The following KIF2A variants were observed in gnomAD, a reference collection of about 807,000 sequenced individuals.
The protein encoded by KIF2A is kinesin family member 2A.
Under a neutral mutation model 100.2 loss-of-function variants are expected in KIF2A, and 22 were observed. The observed-to-expected ratio is 0.22, with a 90% CI of 0.16 to 0.31. The LOEUF is 0.31. Ranked by LOEUF, KIF2A falls within the 10% of genes least tolerant of loss-of-function variation. The pLI is 1.00. For missense variants in KIF2A, 495 were observed against 898.7 expected (o/e 0.55, Z 5.74); for synonymous variants, 268 against 285.9 (o/e 0.94, Z 0.63).
At chr5:62,353,048 A>G in intron 5 of KIF2A, 1 of 436,470 alleles carries the variant, frequency 2.3e-6, no homozygotes, top group East Asian at 4.0e-5. Context: ...CCAAGAGATG[A>G]CATGTATCAA....
intron 1 of KIF2A, among the ~76,000 whole-genome samples, chr5:62,334,502 C>G (rs925146577): frequency 3.7e-5 from 5 of 135,748 alleles, no homozygotes; most frequent in African/African-American, 1.1e-4. Context: ...CCCCCCACTT[C>G]TCCTCCTCCT....
Position 62,361,233 on chromosome 5 carries a change from A to G in KIF2A, c.873-9A>G, listed in dbSNP as rs1748389798. The stretch of plus-strand genomic sequence containing the variant: ...TGACACATTCTGACTGATGCATTTT[A>G]TTTTTAAGGTTTACTGCTAGACCAC... On this transcript the variant is annotated splice_polypyrimidine_tract_variant and intron_variant, in intron 9 of 20. Coordinates refer to ENST00000407818, the MANE Select transcript of KIF2A (RefSeq NM_001098511.3). 1 of 1,539,868 alleles carries G rather than the reference A, an allele frequency of 6.5e-7. No individual in the cohort carries two copies. Among genetic ancestry groups the G allele is most frequent in the Non-Finnish European group, 8.9e-7 (1 of 1,122,884 alleles).
intron 1 of KIF2A, among the ~76,000 whole-genome samples, chr5:62,313,599 C>T (rs887475491): frequency 6.6e-6 from 1 of 152,058 alleles, no homozygotes; most frequent in Non-Finnish European, 1.5e-5. Flanking sequence ...GTGGTCCACC[C>T]ACCTCAGCCT....
At chr5:62,355,561 G>GAGTT (rs1277721789) in intron 7 of KIF2A, among the ~76,000 whole-genome samples, 6 of 152,174 alleles carry the variant, frequency 3.9e-5, no homozygotes, top group African/African-American at 1.4e-4. Flanking sequence ...TTCTGACTGT[G>GAGTT]AGTTATACTT....
chr5:62,347,924 G>A lies in KIF2A; in HGVS notation c.160-124G>A, dbSNP rs564270069. On this transcript the variant is annotated intron_variant, in intron 2 of 20. Coordinates refer to ENST00000407818, the MANE Select transcript of KIF2A (RefSeq NM_001098511.3). ...CAGGCATGAGCCACTGCACCCAGCC[G>A]AGTTACTGTATTCATTAGGCTAAAG... 1.7e-5 allele frequency: 17 copies of A among 1,013,202 alleles called. 1 individual carries two copies. The highest frequency in any genetic ancestry group is 1.2e-4 in the South Asian group (7 of 56,490). 62.8% of individuals were successfully genotyped at this position (1,013,202 alleles called of 1,614,324 possible).
chr5:62,377,127 A>T (rs1741583712), intron 18 of KIF2A, among the ~76,000 whole-genome samples: 1 of 152,052 alleles, frequency 6.6e-6, no homozygotes, highest in South Asian at 2.1e-4. Context: ...TGAAATTTCT[A>T]TAAAAACTGG....
At chr5:62,335,537 A>AG (rs1746898055) in intron 1 of KIF2A, among the ~76,000 whole-genome samples, 1 of 152,170 alleles carries the variant, frequency 6.6e-6, no homozygotes, top group Non-Finnish European at 1.5e-5. Context: ...GAGGAGCTCA[A>AG]GGGAGGGTCA....
intron 1 of KIF2A, among the ~76,000 whole-genome samples, chr5:62,315,051 C>T (rs892689944): frequency 6.6e-6 from 1 of 152,088 alleles, no homozygotes; most frequent in African/African-American, 2.4e-5. Flanking sequence ...GTGTGAGCCA[C>T]TACACCCGGC....
chr5:62,336,466 T>G (rs1181366798), intron 1 of KIF2A, among the ~76,000 whole-genome samples: 2 of 152,212 alleles, frequency 1.3e-5, no homozygotes, highest in African/African-American at 4.8e-5. Flanking sequence ...GATTGGTCAG[T>G]TATCTCACCT....
intron 16 of KIF2A, among the ~76,000 whole-genome samples, chr5:62,371,379 CTG>C (rs1177467095): frequency 1.3e-5 from 2 of 152,120 alleles, no homozygotes; most frequent in African/African-American, 4.8e-5. Context: ...CAAAGAAAGA[CTG>C]TTAGTAGAGG....
At chr5:62,382,242 C>T (rs1311309129) in intron 20 of KIF2A, among the ~76,000 whole-genome samples, 1 of 152,026 alleles carries the variant, frequency 6.6e-6, no homozygotes, top group Non-Finnish European at 1.5e-5. Flanking sequence ...ACATCCCAGC[C>T]TGGGCAACAT....
intron 1 of KIF2A, among the ~76,000 whole-genome samples, chr5:62,325,421 A>G (rs535240383): frequency 2.3e-4 from 35 of 151,678 alleles, no homozygotes; most frequent in African/African-American, 8.2e-4. Flanking sequence ...ACCATGCCCA[A>G]CTGTAAAGCT....
At chr5:62,362,370 C>T in intron 11 of KIF2A, 80 bp from the exon 12 acceptor site, 1 of 572,850 alleles carries the variant, frequency 1.7e-6, no homozygotes, top group Non-Finnish European at 2.9e-6. Context: ...GTAACTGATT[C>T]CTCTAGAAAT....
intron 1 of KIF2A, among the ~76,000 whole-genome samples, chr5:62,307,777 C>CA (rs1745386363): frequency 6.6e-6 from 1 of 152,116 alleles, no homozygotes; most frequent in Admixed American, 6.5e-5. Context: ...TCACCACACC[C>CA]AGCTAATTTT....
At chr5:62,343,675 G>A (rs1747411815) in intron 1 of KIF2A, among the ~76,000 whole-genome samples, 2 of 152,200 alleles carry the variant, frequency 1.3e-5, no homozygotes, top group South Asian at 4.1e-4. Flanking sequence ...GGGCAGATAA[G>A]TTGGAAGCAG....
intron 16 of KIF2A, among the ~76,000 whole-genome samples, chr5:62,370,288 C>G (rs972532111): frequency 2.6e-5 from 4 of 151,774 alleles, no homozygotes; most frequent in Non-Finnish European, 5.9e-5. Context: ...ATTAGAGATA[C>G]TTTATTTATT....
intron 1 of KIF2A, among the ~76,000 whole-genome samples, chr5:62,310,953 A>C (rs1745523918): frequency 6.6e-6 from 1 of 152,134 alleles, no homozygotes. Context: ...GAAATGTTGA[A>C]CATTTGGAAG....
Position 62,372,566 on chromosome 5 carries a change from A to G in KIF2A, c.1760+15A>G, listed in dbSNP as rs556731931. The stretch of plus-strand genomic sequence containing the variant: ...TCAGTTACCAGGTCTACTTCATTCT[A>G]TACATAAGATGTTTATTTGTATACT... On this transcript the variant is annotated intron_variant, in intron 17 of 20. Coordinates refer to ENST00000407818, the MANE Select transcript of KIF2A (RefSeq NM_001098511.3). 17 of 1,293,908 alleles carry G rather than the reference A, an allele frequency of 1.3e-5. No individual in the cohort carries two copies. The African/African-American group carries it at 1.8e-4, about 13-fold the overall frequency. 80.2% of individuals were successfully genotyped at this position (1,293,908 alleles called of 1,614,324 possible).
At chr5:62,326,948 G>A (rs1005776824) in intron 1 of KIF2A, among the ~76,000 whole-genome samples, 2 of 152,204 alleles carry the variant, frequency 1.3e-5, no homozygotes, top group Non-Finnish European at 2.9e-5. Context: ...AGTGAGCCGA[G>A]ATCCAGCCAC....
Sources: gnomAD v4.1 joint callset for allele counts (sites outside exome capture counted in the v4.1 genomes callset) on GRCh38, gnomAD v4.1.1 for gene constraint, MANE v1.5 for transcripts, NCBI Gene and HGNC (gene_info 2026-07-23, HGNC 2026-07-21) for gene names.